The following HSD17B2 variants were observed in gnomAD, a reference collection of about 807,000 sequenced individuals.
HSD17B2 encodes the protein 17-beta-hydroxysteroid dehydrogenase type 2.
Under a neutral mutation model 26.9 loss-of-function variants are expected in HSD17B2, and 32 were observed. The ratio of observed to expected loss-of-function variants is 1.19; its 90% CI spans 0.90 to 1.60. The LOEUF is 1.60. Ranked by LOEUF, HSD17B2 falls within the 40% of genes most tolerant of loss-of-function variation. HSD17B2 has a pLI of 0.00. For synonymous variants in HSD17B2, 246 were observed against 186.7 expected (o/e 1.32, Z -2.59); for missense variants, 613 against 468.6 (o/e 1.31, Z -2.85).
chr16:82,088,232 C>G (rs946596646), intron 3 of HSD17B2, among the ~76,000 whole-genome samples: 1 of 152,132 alleles, frequency 6.6e-6, no homozygotes, highest in African/African-American at 2.4e-5. Context: ...GCACTTATTA[C>G]TCTAAGAAAC....
At chr16:82,079,939 C>A (rs933324863) in intron 3 of HSD17B2, among the ~76,000 whole-genome samples, 4 of 152,092 alleles carry the variant, frequency 2.6e-5, no homozygotes, top group Non-Finnish European at 5.9e-5. Flanking sequence ...AAGCAAGGTG[C>A]ATGGAGGGAG....
At chr16:82,080,288 C>T (rs1190835294) in intron 3 of HSD17B2, among the ~76,000 whole-genome samples, 1 of 152,160 alleles carries the variant, frequency 6.6e-6, no homozygotes, top group African/African-American at 2.4e-5. Context: ...GCAAATGGTA[C>T]TGTGCACATG....
At chr16:82,092,139 G>T (rs1464161161) in intron 4 of HSD17B2, 1 of 152,174 alleles carries the variant, frequency 6.6e-6, no homozygotes, top group Admixed American at 6.5e-5. Context: ...TCATCTAAAA[G>T]TTTGAGCAGA....
intron 1 of HSD17B2, among the ~76,000 whole-genome samples, chr16:82,039,845 C>T (rs952037860): frequency 3.9e-5 from 6 of 152,294 alleles, no homozygotes; most frequent in African/African-American, 1.4e-4. Flanking sequence ...GACACGGCCA[C>T]ACCCAACTGT....
chr16:82,068,533 T>C (rs1431033291), intron 2 of HSD17B2, 151 bp downstream of exon 2: 4 of 642,800 alleles, frequency 6.2e-6, no homozygotes, highest in Non-Finnish European at 1.1e-5. Context: ...TGTGGGGGCC[T>C]CTATCAACAT....
In HSD17B2 at chr16:82,098,086, A is replaced by G. The variant is rs1411519944; in HGVS notation, c.814A>G (p.Thr272Ala). The G allele has an allele frequency of 1.2e-6, 2 of 1,612,072 alleles. No homozygotes were observed. The highest frequency in any genetic ancestry group is 2.2e-5 in the South Asian group (2 of 90,796). ...TCCTTTCACCCCAGATATCGCAGGC[A>G]CCAGTGACAAGTGGGAAAAGCTGGA... ...PGGFLTNIAGTSDKWEKLEKD... is the reference protein window; with the variant it reads ...PGGFLTNIAGASDKWEKLEKD... The change falls in exon 5 of 5, where the codon ACC becomes GCC. Residue 272 changes from threonine (T) to alanine (A), a missense_variant. Thr to Ala is a moderately conservative substitution (Grantham distance 58). Transcript: ENST00000199936.
At chr16:82,060,554 A>C (rs1024505002) in intron 1 of HSD17B2, among the ~76,000 whole-genome samples, 5 of 152,200 alleles carry the variant, frequency 3.3e-5, no homozygotes, top group African/African-American at 7.2e-5. Flanking sequence ...CCCGATTCTG[A>C]GTCTTTGTTC....
chr16:82,035,675 C>T lies in HSD17B2; in HGVS notation c.251C>T (p.Ala84Val), dbSNP rs755736691. The T allele has an allele frequency of 1.2e-5, 20 of 1,613,650 alleles. No individual in the cohort carries two copies. Among genetic ancestry groups the T allele is most frequent in the Non-Finnish European group, 1.6e-5 (19 of 1,179,824 alleles). ...GAATTGTTACCTGTGGATCAGAAGGCAGTCCTGGTGACAGGTAAGCAGACG... is the reference window on the plus strand; with the variant it reads ...GAATTGTTACCTGTGGATCAGAAGGTAGTCCTGGTGACAGGTAAGCAGACG... Reference protein sequence around the residue: ...GQELLPVDQKAVLVTGGDCGL... With the variant: ...GQELLPVDQKVVLVTGGDCGL... The change falls in exon 1 of 5, where the codon GCA becomes GTA. Residue 84 changes from alanine (A) to valine (V), a missense_variant. Ala to Val is a moderately conservative substitution (Grantham distance 64). Transcript: ENST00000199936.
intron 3 of HSD17B2, among the ~76,000 whole-genome samples, chr16:82,088,277 A>G (rs1904585282): frequency 6.6e-6 from 1 of 152,192 alleles, no homozygotes. Context: ...CTATTGAGAT[A>G]TTATTTTGAA....
intron 2 of HSD17B2, 189 bp from the exon 3 acceptor site, chr16:82,070,753 G>T: frequency 1.7e-6 from 1 of 593,226 alleles, no homozygotes. Flanking sequence ...CTAGCTTCCT[G>T]TTACAGGAAT....
At chr16:82,074,026 A>G (rs1178696208) in intron 3 of HSD17B2, among the ~76,000 whole-genome samples, 1 of 152,214 alleles carries the variant, frequency 6.6e-6, no homozygotes, top group Non-Finnish European at 1.5e-5. Context: ...GGAACAGAAC[A>G]GAGAACCCAG....
At chr16:82,090,657 C>G (rs967823264) in intron 3 of HSD17B2, among the ~76,000 whole-genome samples, 4 of 152,146 alleles carry the variant, frequency 2.6e-5, no homozygotes, top group East Asian at 1.9e-4. Context: ...CAAGATTGAG[C>G]CTTCAACTTG....
intron 1 of HSD17B2, among the ~76,000 whole-genome samples, chr16:82,042,579 C>T (rs1259158158): frequency 6.6e-6 from 1 of 152,142 alleles, no homozygotes; most frequent in Non-Finnish European, 1.5e-5. Context: ...CCATTTAAAA[C>T]AAGTTGGCAA....
chr16:82,078,113 A>G (rs1395503241), intron 3 of HSD17B2, among the ~76,000 whole-genome samples: 3 of 152,210 alleles, frequency 2.0e-5, no homozygotes, highest in African/African-American at 7.2e-5. Flanking sequence ...ATGGGAGAAA[A>G]TATCTGCAAA....
At chr16:82,084,778 G>C (rs778741274) in intron 3 of HSD17B2, among the ~76,000 whole-genome samples, 3 of 152,188 alleles carry the variant, frequency 2.0e-5, no homozygotes, top group Non-Finnish European at 4.4e-5. Context: ...TGGTGCCCAG[G>C]TTGGAGTGCA....
rs200540657 is a variant in HSD17B2 at position 82,090,933 on chromosome 16, T to G, written c.696T>G (p.Tyr232Ter). The change falls in exon 4 of 5, where the codon TAT (tyrosine) becomes TAG (stop). Residue 232 changes from tyrosine to a stop codon, truncating the protein, a stop_gained. Coordinates refer to ENST00000199936, the MANE Select transcript of HSD17B2 (RefSeq NM_002153.3). LOFTEE classifies it high-confidence loss of function. ...GGAPMERLAS[Y>*]GSSKAAVTMF... ...CCCCAATGGAAAGGCTGGCATCTTATGGCTCATCAAAGGCGGCTGTGACCA... is the reference window on the plus strand; with the variant it reads ...CCCCAATGGAAAGGCTGGCATCTTAGGGCTCATCAAAGGCGGCTGTGACCA... 6.7e-4 allele frequency: 1,088 copies of G among 1,613,980 alleles called. 2 individuals are homozygous for G. The highest frequency in any genetic ancestry group is 7.5e-4 in the Non-Finnish European group (884 of 1,179,890).
At chr16:82,056,804 C>G (rs544059731) in intron 1 of HSD17B2, among the ~76,000 whole-genome samples, 2 of 152,224 alleles carry the variant, frequency 1.3e-5, no homozygotes, top group East Asian at 1.9e-4. Flanking sequence ...CAAAAACAAC[C>G]AACCAAACAA....
chr16:82,082,392 C>A (rs1334818375), intron 3 of HSD17B2, among the ~76,000 whole-genome samples: 1 of 152,146 alleles, frequency 6.6e-6, no homozygotes, highest in African/African-American at 2.4e-5. Context: ...CAATAGGTTT[C>A]TTTGCAGCTT....
chr16:82,069,854 G>A (rs920916140), intron 2 of HSD17B2, among the ~76,000 whole-genome samples: 4 of 152,124 alleles, frequency 2.6e-5, no homozygotes, highest in Non-Finnish European at 2.9e-5. Flanking sequence ...CTGAAACCAC[G>A]TGCAGGACCC....
Sources: allele counts gnomAD v4.1 joint callset (sites outside exome capture counted in the v4.1 genomes callset), GRCh38; gene constraint gnomAD v4.1.1; transcripts MANE v1.5; gene names NCBI Gene and HGNC (gene_info 2026-07-23, HGNC 2026-07-21).